PAPSS2: variants seen among roughly 807,000 people sequenced by gnomAD.
PAPSS2 encodes 3'-phosphoadenosine 5'-phosphosulfate synthase 2.
In PAPSS2, 61 loss-of-function variants were observed where a neutral mutation model predicts 66.5. The observed-to-expected ratio is 0.92, with a 90% CI of 0.75 to 1.14. PAPSS2 has a LOEUF of 1.14. Ranked by LOEUF, PAPSS2 falls within the 50% of genes most tolerant of loss-of-function variation. The pLI is 0.00. For missense variants in PAPSS2, 708 were observed against 789.6 expected, an observed-to-expected ratio of 0.90 and a Z score of 1.24; for synonymous variants, 289 against 287.5, an observed-to-expected ratio of 1.01 and a Z score of -0.05.
chr10:87,694,989 G>C (rs1298947592), intron 1 of PAPSS2, among the ~76,000 whole-genome samples: 4 of 152,224 alleles, frequency 2.6e-5, no homozygotes, highest in Non-Finnish European at 4.4e-5. Context: ...GGAGGGCAGG[G>C]TAGCTAGAAG....
chr10:87,713,245 G>A lies in PAPSS2; in HGVS notation c.316G>A (p.Val106Met), dbSNP rs1272112641. 1.9e-6 allele frequency: 3 copies of A among 1,599,012 alleles called. No homozygotes were observed. In the South Asian group the frequency reaches 3.3e-5, roughly 18 times the overall value. ...GGAAAATATCCGCCGGATTGCTGAGGTGGCTAAGCTGTTTGCTGATGCTGG... is the reference window on the plus strand; with the variant it reads ...GGAAAATATCCGCCGGATTGCTGAGATGGCTAAGCTGTTTGCTGATGCTGG... Reference protein sequence around the residue: ...REENIRRIAEVAKLFADAGLV... With the variant: ...REENIRRIAEMAKLFADAGLV... The change falls in exon 3 of 13, where the codon GTG becomes ATG. Residue 106 changes from valine (V) to methionine (M), a missense_variant. Val to Met is a conservative substitution (Grantham distance 21). Coordinates refer to ENST00000456849, the MANE Select transcript of PAPSS2 (RefSeq NM_001015880.2).
intron 1 of PAPSS2, among the ~76,000 whole-genome samples, chr10:87,691,475 C>T (rs985533092): frequency 6.7e-6 from 1 of 150,074 alleles, no homozygotes; most frequent in African/African-American, 2.5e-5. Flanking sequence ...GCATTAAAAT[C>T]ACTTGAGACA....
At chr10:87,670,870 T>C (rs1852867937) in intron 1 of PAPSS2, among the ~76,000 whole-genome samples, 1 of 152,210 alleles carries the variant, frequency 6.6e-6, no homozygotes, top group Admixed American at 6.5e-5. Flanking sequence ...GTTGAGGCTG[T>C]GACTCAAAAA....
intron 1 of PAPSS2, chr10:87,703,875 G>T (rs1053810640): frequency 9.8e-6 from 5 of 512,818 alleles, no homozygotes; most frequent in Middle Eastern, 3.2e-4. Context: ...GGATGCCGAG[G>T]ATGTCTGTGT....
chr10:87,676,917 G>A (rs1172739643), intron 1 of PAPSS2, among the ~76,000 whole-genome samples: 1 of 137,752 alleles, frequency 7.3e-6, no homozygotes, highest in Non-Finnish European at 1.5e-5. Context: ...AAAAAGGCCG[G>A]ATGCAGTGGC....
At chr10:87,725,884 T>C (rs867677729) in intron 8 of PAPSS2, among the ~76,000 whole-genome samples, 61 of 140,352 alleles carry the variant, frequency 4.3e-4, no homozygotes, top group African/African-American at 7.1e-4. Context: ...TATGTGTGTA[T>C]ACACACACAC....
At chr10:87,685,906 T>C (rs748688977) in intron 1 of PAPSS2, among the ~76,000 whole-genome samples, 3 of 152,164 alleles carry the variant, frequency 2.0e-5, no homozygotes, top group Non-Finnish European at 4.4e-5. Flanking sequence ...TGGTTGGAGA[T>C]GAGATGTTCT....
At chr10:87,736,844 C>T (rs949251763) in intron 9 of PAPSS2, among the ~76,000 whole-genome samples, 4 of 152,154 alleles carry the variant, frequency 2.6e-5, no homozygotes, top group African/African-American at 9.7e-5. Flanking sequence ...CACCAACTCT[C>T]CCTTCTCCTT....
intron 1 of PAPSS2, among the ~76,000 whole-genome samples, chr10:87,701,374 TTCTTTCTTTC>T (rs1191500570): frequency 3.6e-5 from 4 of 112,524 alleles, no homozygotes; most frequent in Non-Finnish European, 6.7e-5. Flanking sequence ...CTTTCTTTCT[TTCTTTCTTTC>T]TTTCTTTCTT....
intron 1 of PAPSS2, among the ~76,000 whole-genome samples, chr10:87,706,037 G>A (rs1398053238): frequency 6.9e-6 from 1 of 144,144 alleles, no homozygotes; most frequent in African/African-American, 2.6e-5. Flanking sequence ...TGGCCAGGTT[G>A]TCTTTTTATT....
intron 1 of PAPSS2, among the ~76,000 whole-genome samples, chr10:87,682,762 C>T (rs1180786657): frequency 6.6e-6 from 1 of 152,066 alleles, no homozygotes; most frequent in African/African-American, 2.4e-5. Flanking sequence ...TCCCTTCCTA[C>T]ATAGATAGAT....
intron 6 of PAPSS2, 30 bp downstream of exon 6, chr10:87,715,128 A>C (rs748551338): frequency 9.2e-7 from 1 of 1,083,840 alleles, no homozygotes; most frequent in Non-Finnish European, 1.4e-6. Context: ...TCAAATAATT[A>C]GGCTTAATAT....
intron 12 of PAPSS2, 124 bp from the exon 13 acceptor site, chr10:87,745,708 C>T: frequency 1.1e-6 from 1 of 920,542 alleles, no homozygotes. Flanking sequence ...GAGGACTGCC[C>T]ACTTTTGAAG....
At chr10:87,705,496 T>G (rs935995984) in intron 1 of PAPSS2, among the ~76,000 whole-genome samples, 2 of 151,094 alleles carry the variant, frequency 1.3e-5, no homozygotes, top group Admixed American at 6.6e-5. Flanking sequence ...AATGTCAGGG[T>G]TTTTTTTCCC....
intron 8 of PAPSS2, among the ~76,000 whole-genome samples, chr10:87,724,260 C>T (rs1483099383): frequency 6.9e-6 from 1 of 144,610 alleles, no homozygotes; most frequent in Non-Finnish European, 1.5e-5. Flanking sequence ...AATAGTCTTA[C>T]TAAAAAAAAA....
Position 87,684,817 on chromosome 10 carries a change from A to G in PAPSS2, c.28-24379A>G, listed in dbSNP as rs74968552. Among the ~76,000 whole-genome samples, 843 of 152,342 alleles carry G rather than the reference A, an allele frequency of 5.5e-3. 9 individuals are homozygous for G. The highest frequency in any genetic ancestry group is 0.019 in the African/African-American group (792 of 41,576). On this transcript the variant is annotated intron_variant, in intron 1 of 12. Coordinates refer to ENST00000456849, the MANE Select transcript of PAPSS2 (RefSeq NM_001015880.2). ...TTTAGAATTGATTACCTCAAGTCACACAGGTCATTTCGTGGTTGAGCCAGA... is the reference window on the plus strand; with the variant it reads ...TTTAGAATTGATTACCTCAAGTCACGCAGGTCATTTCGTGGTTGAGCCAGA...
intron 1 of PAPSS2, among the ~76,000 whole-genome samples, chr10:87,686,667 T>A (rs1853093453): frequency 6.6e-6 from 1 of 152,230 alleles, no homozygotes; most frequent in African/African-American, 2.4e-5. Flanking sequence ...GAACTGGTTG[T>A]CGACTCATGA....
intron 1 of PAPSS2, among the ~76,000 whole-genome samples, chr10:87,674,162 G>A (rs148920040): frequency 6.6e-6 from 1 of 152,094 alleles, no homozygotes; most frequent in East Asian, 1.9e-4. Flanking sequence ...AACTTGGATG[G>A]GTAAAAAAAA....
Position 87,721,741 on chromosome 10 carries a change from T to C in PAPSS2, c.866-15T>C. On this transcript the variant is annotated splice_polypyrimidine_tract_variant and intron_variant, in intron 7 of 12. Transcript: ENST00000456849. ...GAGCTGAAAATGTTTCTTAATTGTG[T>C]TTATATTTCCCTAGGCATGGCCCTT... 6.5e-7 allele frequency: 1 copy of C among 1,530,182 alleles called. No individual in the cohort carries two copies. 94.8% of individuals were successfully genotyped at this position (1,530,182 alleles called of 1,614,324 possible). A position where few individuals can be genotyped will look rare whatever the true frequency, so the allele number is the denominator to read the frequency against.
Sources: allele counts gnomAD v4.1 joint callset (sites outside exome capture counted in the v4.1 genomes callset), GRCh38; gene constraint gnomAD v4.1.1; transcripts MANE v1.5; gene names NCBI Gene and HGNC (gene_info 2026-07-23, HGNC 2026-07-21).